The following PPP1R9A variants were observed in gnomAD, a reference collection of about 807,000 sequenced individuals.
PPP1R9A encodes protein phosphatase 1 regulatory subunit 9A.
PPP1R9A carries 59 observed loss-of-function variants against 141.9 expected under a neutral mutation model. The ratio of observed to expected loss-of-function variants is 0.42; its 90% CI spans 0.34 to 0.52. The LOEUF (loss-of-function observed/expected upper bound fraction) is 0.52. Among genes scored for constraint, PPP1R9A ranks in the 20% least tolerant of loss-of-function variants. The probability of loss-of-function intolerance (pLI) is 0.10; values close to 1 mark genes in which losing one functional copy is unlikely to be tolerated. For synonymous variants in PPP1R9A, 500 were observed against 569.7 expected, an observed-to-expected ratio of 0.88 and a Z score of 1.74; for missense variants, 1,444 against 1,611.9, an observed-to-expected ratio of 0.90 and a Z score of 1.78.
chr7:95,035,373 A>G (rs1415044925), intron 2 of PPP1R9A, among the ~76,000 whole-genome samples: 2 of 152,172 alleles, frequency 1.3e-5, no homozygotes, highest in African/African-American at 2.4e-5. Flanking sequence ...TTGTACATAG[A>G]GCCCAATTTT....
At chr7:95,151,564 A>T (rs908644265) in intron 4 of PPP1R9A, among the ~76,000 whole-genome samples, 1 of 152,114 alleles carries the variant, frequency 6.6e-6, no homozygotes, top group African/African-American at 2.4e-5. Flanking sequence ...TCCATCATAC[A>T]TTTGTCAAAA....
Position 95,120,818 on chromosome 7 carries a change from T to C in PPP1R9A, c.1635T>C (p.Ala545=). The C allele has an allele frequency of 1.9e-6, 3 of 1,613,392 alleles. No individual in the cohort carries two copies. The highest frequency in any genetic ancestry group is 2.5e-6 in the Non-Finnish European group (3 of 1,179,684). The change falls in exon 4 of 20, where the codon GCT becomes GCC. Residue 545 remains alanine (A), a synonymous_variant. Transcript: ENST00000433360. ...AGACAGTAACAGAAGGTGGTGCTGC[T>C]CAACGGGATGGCAGGTAAATTAAGG... ...FVKTVTEGGA[A]QRDGRIQVND... is the part of the protein sequence containing the mutation.
At chr7:95,033,259 C>T (rs1243299100) in intron 2 of PPP1R9A, among the ~76,000 whole-genome samples, 1 of 151,388 alleles carries the variant, frequency 6.6e-6, no homozygotes, top group Non-Finnish European at 1.5e-5. Flanking sequence ...CGTGATCCGC[C>T]CGCCTTGGCC....
At chr7:95,129,546 A>G (rs1824203300) in intron 4 of PPP1R9A, among the ~76,000 whole-genome samples, 1 of 152,198 alleles carries the variant, frequency 6.6e-6, no homozygotes, top group South Asian at 2.1e-4. Context: ...GGTATTGCTG[A>G]AAAGACACCT....
intron 2 of PPP1R9A, among the ~76,000 whole-genome samples, chr7:95,054,428 A>AT (rs2152024308): frequency 6.6e-6 from 1 of 151,896 alleles, no homozygotes; most frequent in African/African-American, 2.4e-5. Flanking sequence ...CCTGGCTTTT[A>AT]TTTTGGATTT....
intron 2 of PPP1R9A, among the ~76,000 whole-genome samples, chr7:94,953,035 G>A (rs947827161): frequency 2.6e-5 from 4 of 152,106 alleles, no homozygotes; most frequent in African/African-American, 9.7e-5. Flanking sequence ...CTTTGCCCAT[G>A]CCTATGTCCT....
intron 2 of PPP1R9A, among the ~76,000 whole-genome samples, chr7:95,045,449 G>T (rs1283209347): frequency 6.6e-6 from 1 of 152,184 alleles, no homozygotes; most frequent in Non-Finnish European, 1.5e-5. Flanking sequence ...CCCTTGGGAG[G>T]TGAGCATGCG....
At chr7:95,287,146 T>C (rs1490280771) in intron 18 of PPP1R9A, 2 of 1,612,834 alleles carry the variant, frequency 1.2e-6, no homozygotes, top group South Asian at 2.2e-5. Context: ...GAGCTATCAG[T>C]GGGCTGTGTG....
intron 2 of PPP1R9A, among the ~76,000 whole-genome samples, chr7:94,941,043 A>G: frequency 6.6e-6 from 1 of 152,164 alleles, no homozygotes; most frequent in Non-Finnish European, 1.5e-5. Flanking sequence ...TTCATTTTGC[A>G]GAAAGAAAAG....
At chr7:95,132,440 G>A (rs563920428) in intron 4 of PPP1R9A, among the ~76,000 whole-genome samples, 242 of 152,218 alleles carry the variant, frequency 1.6e-3, no homozygotes, top group African/African-American at 5.4e-3. Flanking sequence ...TGAGAAGATC[G>A]TATGGTTTTT....
chr7:95,160,500 A>G (rs1830313277), intron 4 of PPP1R9A, among the ~76,000 whole-genome samples: 1 of 152,082 alleles, frequency 6.6e-6, no homozygotes, highest in Non-Finnish European at 1.5e-5. Flanking sequence ...TATCCTTTAA[A>G]ACAGTCTTTA....
intron 2 of PPP1R9A, among the ~76,000 whole-genome samples, chr7:95,085,655 T>C (rs533371487): frequency 3.4e-4 from 52 of 151,894 alleles, no homozygotes; most frequent in African/African-American, 1.2e-3. Context: ...CCTCAAGTGA[T>C]CCACCTGCCT....
At chr7:95,050,398 A>G (rs564777549) in intron 2 of PPP1R9A, among the ~76,000 whole-genome samples, 1 of 152,314 alleles carries the variant, frequency 6.6e-6, no homozygotes, top group East Asian at 1.9e-4. Flanking sequence ...TGATAGGCAT[A>G]TCTGAAGGAT....
chr7:95,017,507 T>G (rs1805265659), intron 2 of PPP1R9A, among the ~76,000 whole-genome samples: 1 of 151,970 alleles, frequency 6.6e-6, no homozygotes, highest in South Asian at 2.1e-4. Context: ...CCAAAAATCA[T>G]AAAATACTTG....
chr7:95,228,179 C>T (rs75047014), intron 8 of PPP1R9A, among the ~76,000 whole-genome samples: 162 of 152,218 alleles, frequency 1.1e-3, no homozygotes, highest in African/African-American at 3.6e-3. Flanking sequence ...TTTTACTACT[C>T]GGGCAAAATA....
chr7:95,141,349 T>C, intron 4 of PPP1R9A, among the ~76,000 whole-genome samples: 1 of 152,338 alleles, frequency 6.6e-6, no homozygotes, highest in East Asian at 1.9e-4. Context: ...CCTTTATTGA[T>C]ATGTAATTCA....
chr7:94,941,987 G>A (rs928567799), intron 2 of PPP1R9A, among the ~76,000 whole-genome samples: 1 of 151,902 alleles, frequency 6.6e-6, no homozygotes, highest in Non-Finnish European at 1.5e-5. Context: ...GGCACATATG[G>A]TTTGGTACAT....
At chr7:95,159,446 G>C (rs1245502185) in intron 4 of PPP1R9A, among the ~76,000 whole-genome samples, 1 of 151,820 alleles carries the variant, frequency 6.6e-6, no homozygotes, top group Non-Finnish European at 1.5e-5. Flanking sequence ...TCAAGTTCTG[G>C]GGTACATGTG....
chr7:94,930,524 A>G (rs1308058873), intron 2 of PPP1R9A, among the ~76,000 whole-genome samples: 1 of 152,062 alleles, frequency 6.6e-6, no homozygotes, highest in African/African-American at 2.4e-5. Context: ...TTTTTAGTAG[A>G]GACGGCGTTT....
Sources: gnomAD v4.1 joint callset for allele counts (sites outside exome capture counted in the v4.1 genomes callset) on GRCh38, gnomAD v4.1.1 for gene constraint, MANE v1.5 for transcripts, NCBI Gene and HGNC (gene_info 2026-07-23, HGNC 2026-07-21) for gene names.